NAV3: variants seen among roughly 807,000 people sequenced by gnomAD.
NAV3 encodes the protein pore membrane and/or filament interacting like protein 1.
A neutral mutation model predicts 244.7 loss-of-function variants in NAV3; 87 were observed. The ratio of observed to expected loss-of-function variants is 0.36; its 90% CI spans 0.30 to 0.42. The LOEUF is 0.42. Ranked by LOEUF, NAV3 falls within the 20% of genes least tolerant of loss-of-function variation. NAV3 has a pLI of 1.00. For synonymous variants in NAV3, 1,126 were observed against 1,042.2 expected, an observed-to-expected ratio of 1.08 and a Z score of -1.55; for missense variants, 2,663 against 2,893.3, an observed-to-expected ratio of 0.92 and a Z score of 1.83.
intron 2 of NAV3, among the ~76,000 whole-genome samples, chr12:77,578,827 A>C (rs900517173): frequency 6.6e-6 from 1 of 152,078 alleles, no homozygotes; most frequent in African/African-American, 2.4e-5. Context: ...TGGCCTCTGC[A>C]ACTGACATTG....
intron 2 of NAV3, among the ~76,000 whole-genome samples, chr12:77,769,112 T>C (rs1869940174): frequency 6.6e-6 from 1 of 152,150 alleles, no homozygotes; most frequent in Admixed American, 6.5e-5. Context: ...CATGGAAAGG[T>C]TCAGTAATTT....
chr12:77,804,650 A>G (rs1592697935), intron 2 of NAV3, among the ~76,000 whole-genome samples: 1 of 151,228 alleles, frequency 6.6e-6, no homozygotes, highest in Non-Finnish European at 1.5e-5. Flanking sequence ...TCTTGGATAT[A>G]CGGGCACTTT....
chr12:77,997,024 G>A (rs1459306490), intron 6 of NAV3, among the ~76,000 whole-genome samples: 1 of 152,008 alleles, frequency 6.6e-6, no homozygotes, highest in African/African-American at 2.4e-5. Flanking sequence ...GGGATCACTT[G>A]AGGTCAGGAG....
chr12:77,740,091 A>T (rs1004414166), intron 2 of NAV3, among the ~76,000 whole-genome samples: 1 of 152,206 alleles, frequency 6.6e-6, no homozygotes, highest in Admixed American at 6.5e-5. Flanking sequence ...AATGTTGGCA[A>T]TTCTTTCAAT....
intron 2 of NAV3, among the ~76,000 whole-genome samples, chr12:77,658,292 C>T (rs1276317052): frequency 6.6e-6 from 1 of 151,772 alleles, no homozygotes; most frequent in African/African-American, 2.4e-5. Context: ...ACAAAAATCA[C>T]AAGCATTCTT....
Position 77,831,211 on chromosome 12 carries a change from G to GAC in NAV3, c.-250_-249insCA, listed in dbSNP as rs1873629489. 6 of 248,064 alleles carry GAC rather than the reference G, an allele frequency of 2.4e-5. No individual in the cohort carries two copies. Among genetic ancestry groups the GAC allele is most frequent in the Non-Finnish European group, 3.9e-5 (5 of 129,360 alleles). The allele number at this position is 248,064 out of a possible 1,614,324, so 15.4% of individuals were successfully genotyped here. A position where few individuals can be genotyped will look rare whatever the true frequency, so the allele number is the denominator to read the frequency against. ...AGAGAGAGACAGAGAGAGAGAGAGAGAGAGAGAAAGAGAGAGAGAGAGAGA... is the reference window on the plus strand; with the variant it reads ...AGAGAGAGACAGAGAGAGAGAGAGAGACAGAGAGAAAGAGAGAGAGAGAGAGA... On this transcript the variant is annotated 5_prime_UTR_variant, in exon 1 of 40. Transcript: ENST00000397909.
intron 2 of NAV3, among the ~76,000 whole-genome samples, chr12:77,765,500 G>A (rs1420529602): frequency 2.0e-5 from 3 of 152,170 alleles, no homozygotes; most frequent in Admixed American, 6.5e-5. Context: ...AAAAGCAGCA[G>A]CAGATGACTA....
chr12:77,800,643 G>A (rs766011576), intron 2 of NAV3, among the ~76,000 whole-genome samples: 9 of 152,106 alleles, frequency 5.9e-5, no homozygotes, highest in Non-Finnish European at 8.8e-5. Context: ...ACTTAGAATT[G>A]ATTGTGTAAC....
At chr12:78,108,619 A>G (rs1276394485) in intron 12 of NAV3, among the ~76,000 whole-genome samples, 1 of 152,154 alleles carries the variant, frequency 6.6e-6, no homozygotes, top group Non-Finnish European at 1.5e-5. Context: ...TTCTCAGACC[A>G]CTGTTGAATA....
chr12:78,026,458 T>C (rs528430625), intron 9 of NAV3, among the ~76,000 whole-genome samples: 106 of 152,310 alleles, frequency 7.0e-4, no homozygotes, highest in Middle Eastern at 3.4e-3. Context: ...ATGGCTCCTT[T>C]TTAATGCCTC....
chr12:78,169,269 T>G (rs1438140107), intron 24 of NAV3, among the ~76,000 whole-genome samples: 1 of 151,700 alleles, frequency 6.6e-6, no homozygotes, highest in Non-Finnish European at 1.5e-5. Flanking sequence ...ATAGTCAATA[T>G]GATGATATAG....
intron 22 of NAV3, among the ~76,000 whole-genome samples, chr12:78,157,512 G>A (rs914886624): frequency 6.6e-6 from 1 of 151,976 alleles, no homozygotes; most frequent in Non-Finnish European, 1.5e-5. Context: ...AGTGAACTAG[G>A]GTTGTGGCAC....
At chr12:77,573,007 A>G (rs1335181626) in intron 2 of NAV3, among the ~76,000 whole-genome samples, 2 of 152,174 alleles carry the variant, frequency 1.3e-5, no homozygotes, top group Admixed American at 1.3e-4. Context: ...TCTAGGAGAG[A>G]GAGCCCCACT....
At chr12:77,658,981 C>A (rs1338175615) in intron 2 of NAV3, among the ~76,000 whole-genome samples, 1 of 151,960 alleles carries the variant, frequency 6.6e-6, no homozygotes, top group African/African-American at 2.4e-5. Flanking sequence ...AAGACTTAAA[C>A]GTTAGACCTA....
intron 1 of NAV3, among the ~76,000 whole-genome samples, chr12:77,898,528 A>G (rs1884895932): frequency 6.6e-6 from 1 of 152,194 alleles, no homozygotes; most frequent in South Asian, 2.1e-4. Flanking sequence ...TCATTCAGCA[A>G]CTATTGATTG....
chr12:77,843,399 G>T (rs1360782157), intron 1 of NAV3, among the ~76,000 whole-genome samples: 1 of 69,174 alleles, frequency 1.4e-5, no homozygotes, highest in African/African-American at 4.2e-5. Flanking sequence ...TTAATCATTT[G>T]TGTGTGTGTG....
At chr12:77,867,346 G>A (rs540648818) in intron 1 of NAV3, among the ~76,000 whole-genome samples, 80 of 152,256 alleles carry the variant, frequency 5.3e-4, no homozygotes, top group Middle Eastern at 3.4e-3. Flanking sequence ...CAGCCACGTG[G>A]AACTGTGAGT....
chr12:77,764,801 T>C (rs1439793434), intron 2 of NAV3, among the ~76,000 whole-genome samples: 1 of 152,234 alleles, frequency 6.6e-6, no homozygotes, highest in Non-Finnish European at 1.5e-5. Flanking sequence ...TTATGTATAT[T>C]CATGTCAGTG....
chr12:77,616,874 A>G (rs893572080), intron 2 of NAV3, among the ~76,000 whole-genome samples: 1 of 152,136 alleles, frequency 6.6e-6, no homozygotes, highest in African/African-American at 2.4e-5. Flanking sequence ...CATTTCTTTT[A>G]TATTTTATAA....
Sources: allele counts gnomAD v4.1 joint callset (sites outside exome capture counted in the v4.1 genomes callset), GRCh38; gene constraint gnomAD v4.1.1; transcripts MANE v1.5; gene names NCBI Gene and HGNC (gene_info 2026-07-23, HGNC 2026-07-21).